The following GSAP variants were observed in gnomAD, a reference collection of about 807,000 sequenced individuals.
The protein encoded by GSAP is gamma-secretase activating protein.
Under a neutral mutation model 131.7 loss-of-function variants are expected in GSAP, and 118 were observed. The ratio of observed to expected loss-of-function variants is 0.90; its 90% CI spans 0.77 to 1.04. The LOEUF (loss-of-function observed/expected upper bound fraction) is 1.04. GSAP is among the 50% of genes least tolerant of loss of function. GSAP has a pLI of 0.00. For synonymous variants in GSAP, 381 were observed against 363.4 expected (o/e 1.05, Z -0.55); for missense variants, 1,019 against 1,013.2 (o/e 1.01, Z -0.08).
At chr7:77,409,097 T>C (rs1802820811) in intron 1 of GSAP, among the ~76,000 whole-genome samples, 1 of 152,196 alleles carries the variant, frequency 6.6e-6, no homozygotes, top group Non-Finnish European at 1.5e-5. Flanking sequence ...TTTGTCAGTA[T>C]ATTGACATGT....
intron 12 of GSAP, among the ~76,000 whole-genome samples, chr7:77,371,012 A>T (rs960876896): frequency 6.6e-6 from 1 of 152,078 alleles, no homozygotes; most frequent in Non-Finnish European, 1.5e-5. Context: ...GATCTTATTC[A>T]TAAGTGTCCT....
At chr7:77,346,654 G>A (rs1165043461) in intron 19 of GSAP, among the ~76,000 whole-genome samples, 1 of 151,624 alleles carries the variant, frequency 6.6e-6, no homozygotes, top group East Asian at 1.9e-4. Flanking sequence ...AGGTTGCAGT[G>A]AGCTGTGACT....
In GSAP at chr7:77,375,843, T is replaced by TA. The variant is rs10706854; in HGVS notation, c.742-743dup. On this transcript the variant is annotated intron_variant, in intron 10 of 30. Coordinates refer to ENST00000257626, the MANE Select transcript of GSAP (RefSeq NM_017439.4). ...AGGGCAACAGAGTGAGACTCCGTCT[T>TA]AAAAAAAAAAAAAAACAAACAAAAA... Among the ~76,000 whole-genome samples the TA allele has an allele frequency of 9.8e-4, 138 of 140,746 alleles. 1 individual carries two copies. Among genetic ancestry groups the TA allele is most frequent in the African/African-American group, 1.7e-3 (66 of 38,020 alleles). The allele number at this position is 140,746 out of a possible 152,430, so 92.3% of individuals were successfully genotyped here.
intron 3 of GSAP, among the ~76,000 whole-genome samples, chr7:77,403,849 G>A (rs528647827): frequency 6.6e-6 from 1 of 152,302 alleles, no homozygotes; most frequent in African/African-American, 2.4e-5. Flanking sequence ...AGGACCAAGA[G>A]ATCGTTAAGG....
At chr7:77,380,963 T>A (rs552023359) in intron 8 of GSAP, among the ~76,000 whole-genome samples, 3 of 152,218 alleles carry the variant, frequency 2.0e-5, no homozygotes, top group Non-Finnish European at 4.4e-5. Context: ...GGTAAATATA[T>A]GTATTATGAT....
intron 14 of GSAP, among the ~76,000 whole-genome samples, chr7:77,358,677 T>C (rs1255229605): frequency 6.6e-6 from 1 of 152,222 alleles, no homozygotes; most frequent in Non-Finnish European, 1.5e-5. Flanking sequence ...TACTCTAGGA[T>C]TGTAACACTG....
rs1026748196 is a variant in GSAP at position 77,416,245 on chromosome 7, G to C, written c.77C>G (p.Ser26Trp). 6 of 1,444,244 alleles carry C rather than the reference G, an allele frequency of 4.2e-6. No individual in the cohort carries two copies. Among genetic ancestry groups the C allele is most frequent in the Admixed American group, 2.5e-5 (1 of 40,182 alleles). 89.5% of individuals were successfully genotyped at this position (1,444,244 alleles called of 1,614,324 possible). The change falls in exon 1 of 31, where the codon TCG becomes TGG. Residue 26 changes from serine to tryptophan, a missense_variant. Coordinates refer to ENST00000257626, the MANE Select transcript of GSAP (RefSeq NM_017439.4). ...LPWLRAQRAV[S>W]EASGAGSGGA... ...GCCGCTTCCGGCCCCGCTGGCCTCC[G>C]ACACTGCCCGCTGCGCCCGCAACCA...
At chr7:77,368,698 TTATC>T (rs1174346749) in intron 12 of GSAP, among the ~76,000 whole-genome samples, 1 of 152,234 alleles carries the variant, frequency 6.6e-6, no homozygotes, top group African/African-American at 2.4e-5. Flanking sequence ...GTTAATTAAA[TTATC>T]TAAGCCTCAG....
In GSAP at chr7:77,383,928, G is replaced by A. The variant is rs957406531; in HGVS notation, c.457-1285C>T. ...TTAAAAATAGTACTAGTCAAATTTTGGAACATTTATAGTTGAGTTCCCTTT... is the reference window on the plus strand; with the variant it reads ...TTAAAAATAGTACTAGTCAAATTTTAGAACATTTATAGTTGAGTTCCCTTT... On this transcript the variant is annotated intron_variant, in intron 6 of 30. Coordinates refer to ENST00000257626, the MANE Select transcript of GSAP (RefSeq NM_017439.4). Among the ~76,000 whole-genome samples the A allele has an allele frequency of 4.8e-4, 73 of 152,124 alleles. 1 individual carries two copies. The highest frequency in any genetic ancestry group is 2.6e-4 in the Non-Finnish European group (18 of 68,034).
chr7:77,396,601 T>C (rs916147377), intron 5 of GSAP, among the ~76,000 whole-genome samples: 1 of 152,150 alleles, frequency 6.6e-6, no homozygotes, highest in African/African-American at 2.4e-5. Context: ...ATCTTTAGTA[T>C]TGGTGTAGTA....
chr7:77,340,367 A>C (rs1465167798), intron 19 of GSAP, among the ~76,000 whole-genome samples: 2 of 152,174 alleles, frequency 1.3e-5, no homozygotes, highest in African/African-American at 4.8e-5. Flanking sequence ...GACACACGTG[A>C]CATTTGGTGC....
At position 77,381,309 on chromosome 7, in the gene GSAP, C is replaced by A. The variant is rs983257008; in HGVS notation, c.572G>T (p.Arg191Ile). 6.4e-7 allele frequency: 1 copy of A among 1,552,588 alleles called. No homozygotes were observed. Among genetic ancestry groups the A allele is most frequent in the Non-Finnish European group, 8.8e-7 (1 of 1,141,274 alleles). The change falls in exon 8 of 31, where the codon AGA (arginine) becomes ATA (isoleucine). Residue 191 changes from arginine (R) to isoleucine (I), a missense_variant. Arg to Ile is a moderately conservative substitution (Grantham distance 97). Transcript: ENST00000257626. ...AAAAGAATTTCAAATCTTTACCACT[C>A]TATTTCCATCTTCTTGGGCGACATG... ...RIHVAQEDGN[R>I]VVIKNSGHLP...
intron 1 of GSAP, among the ~76,000 whole-genome samples, chr7:77,410,182 TAATGTTTTC>T (rs1458826296): frequency 6.6e-6 from 1 of 152,170 alleles, no homozygotes; most frequent in East Asian, 1.9e-4. Flanking sequence ...GAAATAAAAA[TAATGTTTTC>T]ATGGGAACAT....
chr7:77,387,098 A>G (rs1312130821), intron 6 of GSAP, among the ~76,000 whole-genome samples: 1 of 152,242 alleles, frequency 6.6e-6, no homozygotes, highest in Non-Finnish European at 1.5e-5. Flanking sequence ...TTTAAAGCTT[A>G]CCTTAAATGT....
Position 77,355,574 on chromosome 7 carries a change from G to C in GSAP, c.1101C>G (p.Cys367Trp). 1 of 1,609,262 alleles carries C rather than the reference G, an allele frequency of 6.2e-7. No homozygotes were observed. Among genetic ancestry groups the C allele is most frequent in the South Asian group, 1.1e-5 (1 of 90,944 alleles). ...CCGTACCTGTCAGAAAGAGATTGTGGCAGATCAGGTCTGGATGTTGAACAT... is the reference window on the plus strand; with the variant it reads ...CCGTACCTGTCAGAAAGAGATTGTGCCAGATCAGGTCTGGATGTTGAACAT... Reference protein sequence around the residue: ...LLNVQHPDLICHNLFLTGNNE... With the variant: ...LLNVQHPDLIWHNLFLTGNNE... The change falls in exon 15 of 31, where the codon TGC (cysteine) becomes TGG (tryptophan). Residue 367 changes from cysteine to tryptophan, a missense_variant. Coordinates refer to ENST00000257626, the MANE Select transcript of GSAP (RefSeq NM_017439.4).
At chr7:77,363,575 GTTTC>G (rs780427991) in intron 12 of GSAP, among the ~76,000 whole-genome samples, 3 of 152,130 alleles carry the variant, frequency 2.0e-5, no homozygotes, top group Non-Finnish European at 4.4e-5. Context: ...TCCTTCATTA[GTTTC>G]TTTATCAAAG....
At chr7:77,313,178 G>A (rs369522729) in intron 28 of GSAP, among the ~76,000 whole-genome samples, 48 of 152,294 alleles carry the variant, frequency 3.2e-4, no homozygotes, top group African/African-American at 1.1e-3. Context: ...CCAAAAGCAC[G>A]TTTCCCCTTC....
intron 1 of GSAP, among the ~76,000 whole-genome samples, chr7:77,407,026 G>T (rs1025000862): frequency 3.3e-5 from 5 of 152,132 alleles, no homozygotes; most frequent in African/African-American, 1.2e-4. Flanking sequence ...GCTGGCCAGC[G>T]GGGCCTGAAT....
At chr7:77,352,131 ATC>A (rs1367759706) in intron 18 of GSAP, among the ~76,000 whole-genome samples, 3 of 152,232 alleles carry the variant, frequency 2.0e-5, no homozygotes, top group Non-Finnish European at 2.9e-5. Context: ...CACTTGATAC[ATC>A]TTTTTTAAGG....
Sources: allele counts gnomAD v4.1 joint callset (sites outside exome capture counted in the v4.1 genomes callset), GRCh38; gene constraint gnomAD v4.1.1; transcripts MANE v1.5; gene names NCBI Gene and HGNC (gene_info 2026-07-23, HGNC 2026-07-21).